Variants in HDAC9 observed in about 807,000 individuals in gnomAD.
The protein encoded by HDAC9 is histone deacetylase 9.
A neutral mutation model predicts 139.4 loss-of-function variants in HDAC9; 41 were observed. The observed-to-expected ratio is 0.29, with a 90% confidence interval of 0.23 to 0.38. HDAC9 has a LOEUF of 0.38. Ranked by LOEUF, HDAC9 falls within the 10% of genes least tolerant of loss-of-function variation. HDAC9 has a pLI of 1.00. For missense variants in HDAC9, 1,147 were observed against 1,297.0 expected, an observed-to-expected ratio of 0.88 and a Z score of 1.78; for synonymous variants, 517 against 476.2, an observed-to-expected ratio of 1.09 and a Z score of -1.12.
intron 1 of HDAC9, among the ~76,000 whole-genome samples, chr7:18,343,348 T>C (rs1367059728): frequency 6.6e-6 from 1 of 151,872 alleles, no homozygotes; most frequent in African/African-American, 2.4e-5. Flanking sequence ...AATTAGTAAC[T>C]TGGTATTTAA....
intron 14 of HDAC9, among the ~76,000 whole-genome samples, chr7:18,761,353 A>G (rs1789369686): frequency 6.6e-6 from 1 of 152,198 alleles, no homozygotes; most frequent in Non-Finnish European, 1.5e-5. Context: ...GAAAAAATTG[A>G]TGGAGTCTAG....
intron 2 of HDAC9, among the ~76,000 whole-genome samples, chr7:18,256,647 C>A (rs1224424840): frequency 2.0e-5 from 3 of 152,104 alleles, no homozygotes; most frequent in Non-Finnish European, 4.4e-5. Flanking sequence ...ATTTTAGTTG[C>A]TTTATAGTTT....
At chr7:18,828,793 CA>C (rs1388106457) in intron 17 of HDAC9, among the ~76,000 whole-genome samples, 1 of 152,144 alleles carries the variant, frequency 6.6e-6, no homozygotes, top group Non-Finnish European at 1.5e-5. Context: ...AAACCTGCAC[CA>C]AGAGTGAATT....
At chr7:18,298,562 A>C in intron 1 of HDAC9, among the ~76,000 whole-genome samples, 1 of 152,056 alleles carries the variant, frequency 6.6e-6, no homozygotes, top group East Asian at 1.9e-4. Flanking sequence ...ATGATAGTTT[A>C]CTGAGAATGA....
rs1295471770 is a variant in HDAC9 at position 18,108,691 on chromosome 7, T to C, written c.-97+21478T>C. ...TGGCAGTGTTGTGATTTTGGCACAC[T>C]GTAACCTCTGCCTCCTGCCTCCCAG... On this transcript the variant is annotated intron_variant, in intron 1 of 12. Coordinates refer to the HDAC9 transcript ENST00000417496. Among the ~76,000 whole-genome samples, 4 of 149,408 alleles carry C rather than the reference T, an allele frequency of 2.7e-5. No homozygotes were observed. In the East Asian group the frequency reaches 8.0e-4, roughly 30 times the overall value.
At chr7:18,198,250 A>G (rs1469939561) in intron 2 of HDAC9, among the ~76,000 whole-genome samples, 1 of 152,144 alleles carries the variant, frequency 6.6e-6, no homozygotes, top group Non-Finnish European at 1.5e-5. Context: ...TTTAAAGAAA[A>G]TCTCTTAATA....
At chr7:18,418,290 T>C (rs1789280126) in intron 1 of HDAC9, among the ~76,000 whole-genome samples, 4 of 152,178 alleles carry the variant, frequency 2.6e-5, no homozygotes, top group African/African-American at 9.7e-5. Flanking sequence ...ACTACCAAAG[T>C]GTCCACTTCA....
intron 25 of HDAC9, among the ~76,000 whole-genome samples, chr7:18,984,037 G>T (rs1785129766): frequency 6.6e-6 from 1 of 151,956 alleles, no homozygotes; most frequent in East Asian, 1.9e-4. Context: ...ATTAGATCAG[G>T]TCCTCCATGC....
chr7:18,242,819 C>G (rs1186389309), intron 2 of HDAC9, among the ~76,000 whole-genome samples: 1 of 152,062 alleles, frequency 6.6e-6, no homozygotes, highest in East Asian at 1.9e-4. Context: ...TTCTATGAAT[C>G]TCTTGGTCTA....
chr7:18,692,680 C>T (rs1220729930), intron 12 of HDAC9, among the ~76,000 whole-genome samples: 1 of 152,068 alleles, frequency 6.6e-6, no homozygotes, highest in African/African-American at 2.4e-5. Context: ...GTATATAATA[C>T]TTTCTCACAT....
chr7:18,093,403 A>C (rs909258034), intron 1 of HDAC9, among the ~76,000 whole-genome samples: 1 of 152,200 alleles, frequency 6.6e-6, no homozygotes, highest in Non-Finnish European at 1.5e-5. Context: ...TGTCAGTGCT[A>C]CAATTGCTGT....
At chr7:18,990,052 C>A (rs1172221517) in intron 25 of HDAC9, among the ~76,000 whole-genome samples, 1 of 152,176 alleles carries the variant, frequency 6.6e-6, no homozygotes, top group East Asian at 1.9e-4. Flanking sequence ...CTTCTCTCAG[C>A]TCATCAAAGT....
chr7:18,974,230 A>G (rs1784421565), intron 24 of HDAC9, among the ~76,000 whole-genome samples: 1 of 152,266 alleles, frequency 6.6e-6, no homozygotes, highest in African/African-American at 2.4e-5. Context: ...AGACATCAGG[A>G]TGATCAACTA....
intron 6 of HDAC9, among the ~76,000 whole-genome samples, chr7:18,608,564 T>C (rs532289016): frequency 2.6e-5 from 4 of 152,164 alleles, no homozygotes; most frequent in Non-Finnish European, 5.9e-5. Context: ...ACTTCCCTTA[T>C]CTGTATTCTC....
intron 22 of HDAC9, among the ~76,000 whole-genome samples, chr7:18,899,729 A>C (rs923686220): frequency 2.6e-5 from 4 of 152,030 alleles, no homozygotes; most frequent in African/African-American, 9.7e-5. Flanking sequence ...ACAAATTATC[A>C]GTGTAATTTG....
chr7:18,356,580 C>T (rs980904397), intron 1 of HDAC9, among the ~76,000 whole-genome samples: 2 of 151,972 alleles, frequency 1.3e-5, no homozygotes, highest in Admixed American at 6.6e-5. Flanking sequence ...AAAGATCTTT[C>T]AGCTCTCTCT....
chr7:18,556,867 G>T (rs1367376501), intron 2 of HDAC9, among the ~76,000 whole-genome samples: 2 of 151,900 alleles, frequency 1.3e-5, no homozygotes, highest in Non-Finnish European at 2.9e-5. Context: ...TTTGAGTTGG[G>T]TAAATAATTC....
chr7:18,648,009 A>T lies in HDAC9; in HGVS notation c.1249+11A>T, dbSNP rs921896640. 1 of 1,586,642 alleles carries T rather than the reference A, an allele frequency of 6.3e-7. No individual in the cohort carries two copies. Among genetic ancestry groups the T allele is most frequent in the African/African-American group, 1.3e-5 (1 of 74,272 alleles). Reference sequence around the variant, plus strand: ...AGCTTCTTGTAGCTGGTAATTCATTATGGCACCATTTGCAGGTCATTTTAG... The same window carrying T: ...AGCTTCTTGTAGCTGGTAATTCATTTTGGCACCATTTGCAGGTCATTTTAG... On this transcript the variant is annotated intron_variant, in intron 10 of 25. Coordinates refer to ENST00000686413, the MANE Select transcript of HDAC9 (RefSeq NM_178425.4).
chr7:18,849,849 AC>A (rs1797155608), intron 21 of HDAC9, among the ~76,000 whole-genome samples: 1 of 152,134 alleles, frequency 6.6e-6, no homozygotes, highest in Non-Finnish European at 1.5e-5. Context: ...TTGGGAGTGG[AC>A]CCTATGCGTA....
Sources: gnomAD v4.1 joint callset for allele counts (sites outside exome capture counted in the v4.1 genomes callset) on GRCh38, gnomAD v4.1.1 for gene constraint, MANE v1.5 for transcripts, NCBI Gene and HGNC (gene_info 2026-07-23, HGNC 2026-07-21) for gene names.